Variants in CLCA4 observed in about 807,000 individuals in gnomAD.
CLCA4 encodes the protein chloride channel accessory 4.
CLCA4 carries 69 observed loss-of-function variants against 78.9 expected under a neutral mutation model. The observed-to-expected ratio is 0.87, with a 90% CI of 0.72 to 1.07. CLCA4 has a LOEUF of 1.07. Among genes scored for constraint, CLCA4 ranks in the 50% least tolerant of loss-of-function variants. The pLI, the probability that CLCA4 is intolerant of heterozygous loss-of-function variation, is 0.00. For synonymous variants in CLCA4, 362 were observed against 375.8 expected (o/e 0.96, Z 0.42); for missense variants, 1,133 against 1,095.8 (o/e 1.03, Z -0.48).
At chr1:86,578,265 G>A (rs1650584797) in intron 12 of CLCA4, among the ~76,000 whole-genome samples, 193 bp downstream of exon 12, 1 of 151,994 alleles carries the variant, frequency 6.6e-6, no homozygotes, top group Non-Finnish European at 1.5e-5. Context: ...CACCTAGTAA[G>A]CACTCAAGCA....
chr1:86,551,494 A>T (rs771889436), intron 1 of CLCA4, among the ~76,000 whole-genome samples: 8 of 152,070 alleles, frequency 5.3e-5, no homozygotes, highest in Non-Finnish European at 7.4e-5. Flanking sequence ...GGTTGCAGGC[A>T]CCTCCAGCTC....
chr1:86,562,573 G>A (rs1476780673), intron 3 of CLCA4, among the ~76,000 whole-genome samples: 1 of 151,070 alleles, frequency 6.6e-6, no homozygotes. Context: ...GAAACATGAC[G>A]GCTGGGCAAG....
chr1:86,573,316 C>T (rs1650411350), intron 9 of CLCA4, among the ~76,000 whole-genome samples: 1 of 152,010 alleles, frequency 6.6e-6, no homozygotes, highest in Non-Finnish European at 1.5e-5. Context: ...GATAGCACCA[C>T]CATTTTCTGT....
At chr1:86,547,421 T>C (rs961470267) in intron 1 of CLCA4, 143 bp downstream of exon 1, 15 of 591,272 alleles carry the variant, frequency 2.5e-5, no homozygotes, top group Non-Finnish European at 3.8e-5. Context: ...TCAGGGTAAT[T>C]AGCATATTCA....
rs753088960 is a variant in CLCA4, at chr1:86,566,015, A to G, written c.949A>G (p.Met317Val). 1.9e-6 allele frequency: 3 copies of G among 1,611,576 alleles called. No homozygotes were observed. The highest frequency in any genetic ancestry group is 1.7e-5 in the Admixed American group (1 of 59,842). ...VCLVLDKSGS[M>V]GGKDRLNRMN... is the part of the protein sequence containing the mutation. Reference sequence around the variant, plus strand: ...CTTAGTTCTTGATAAGTCTGGAAGCATGGGGGTAAGATCACTTTTTCTGGA... The same window carrying G: ...CTTAGTTCTTGATAAGTCTGGAAGCGTGGGGGTAAGATCACTTTTTCTGGA... The change falls in exon 6 of 14, where the codon ATG becomes GTG. Residue 317 changes from methionine to valine, a missense_variant. Coordinates refer to ENST00000370563, the MANE Select transcript of CLCA4 (RefSeq NM_012128.4).
intron 11 of CLCA4, among the ~76,000 whole-genome samples, chr1:86,576,073 C>G (rs1037333990): frequency 6.6e-6 from 1 of 152,054 alleles, no homozygotes; most frequent in African/African-American, 2.4e-5. Context: ...GCCTGGGCAA[C>G]AGAGAAAGAC....
In CLCA4 at chr1:86,574,546, A is replaced by G. The variant is rs2231599; in HGVS notation, c.1474A>G (p.Ser492Gly). The G allele has an allele frequency of 5.3e-4, 851 of 1,611,414 alleles. 13 individuals are homozygous for G. The East Asian group carries it at 0.018, about 34-fold the overall frequency. Residue 492 changes from serine (S) to glycine (G), a missense_variant, in exon 10 of 14, where the codon AGT (serine) becomes GGT (glycine). Coordinates refer to ENST00000370563, the MANE Select transcript of CLCA4 (RefSeq NM_012128.4). ...DLSQKSLQLESKGLTLNSNAW... is the reference protein window; with the variant it reads ...DLSQKSLQLEGKGLTLNSNAW... ...TTGAAATCTATTTAAACAGCTCGAAAGTAAGGGATTAACACTGAATAGTAA... is the reference window on the plus strand; with the variant it reads ...TTGAAATCTATTTAAACAGCTCGAAGGTAAGGGATTAACACTGAATAGTAA...
At chr1:86,553,773 A>G (rs1649741953) in intron 1 of CLCA4, among the ~76,000 whole-genome samples, 1 of 151,996 alleles carries the variant, frequency 6.6e-6, no homozygotes, top group African/African-American at 2.4e-5. Flanking sequence ...TCTCTCTACT[A>G]AAAAATACAA....
In CLCA4 at chr1:86,579,928, CT is replaced by C. The variant is rs746448953; in HGVS notation, c.2357-6del. On this transcript the variant is annotated splice_polypyrimidine_tract_variant and intron_variant, in intron 13 of 13. Transcript: ENST00000370563. Reference sequence around the variant, plus strand: ...GCTGCAGTCTCTAAACTACATGTAACTTTTTTTTCTCAGTTCAACGTTATAT... The same window carrying C: ...GCTGCAGTCTCTAAACTACATGTAACTTTTTTTCTCAGTTCAACGTTATAT... The C allele has an allele frequency of 6.1e-5, 92 of 1,517,832 alleles. 1 individual carries two copies. In the Middle Eastern group the frequency reaches 9.1e-4, roughly 15 times the overall value. The allele number at this position is 1,517,832 out of a possible 1,614,324, so 94.0% of individuals were successfully genotyped here. A position where few individuals can be genotyped will look rare whatever the true frequency, so the allele number is the denominator to read the frequency against.
chr1:86,569,288 A>G (rs992217020), intron 7 of CLCA4, among the ~76,000 whole-genome samples: 2 of 152,038 alleles, frequency 1.3e-5, no homozygotes, highest in African/African-American at 4.8e-5. Context: ...CAGATAGAAA[A>G]GAAATGCAAA....
intron 1 of CLCA4, among the ~76,000 whole-genome samples, chr1:86,556,120 T>C (rs1355609967): frequency 1.3e-5 from 2 of 152,206 alleles, no homozygotes; most frequent in Non-Finnish European, 1.5e-5. Context: ...TATGGGGTTT[T>C]CTAGATATAG....
chr1:86,573,997 C>A (rs1650433629), intron 9 of CLCA4, among the ~76,000 whole-genome samples: 1 of 152,080 alleles, frequency 6.6e-6, no homozygotes, highest in Admixed American at 6.6e-5. Context: ...AGCCATTCCA[C>A]AATATGTGCA....
intron 7 of CLCA4, among the ~76,000 whole-genome samples, chr1:86,569,119 T>C (rs985511640): frequency 6.6e-6 from 1 of 152,038 alleles, no homozygotes; most frequent in East Asian, 1.9e-4. Context: ...GGGGAACAGA[T>C]AATAAATAGA....
chr1:86,566,684 T>C (rs906843384), intron 6 of CLCA4, among the ~76,000 whole-genome samples: 14 of 151,992 alleles, frequency 9.2e-5, no homozygotes, highest in African/African-American at 3.4e-4. Context: ...AAGTTTCTCA[T>C]TGTGATTTGG....
Position 86,580,451 on chromosome 1 carries a change from T to G in CLCA4, c.*106T>G. 1.1e-6 allele frequency: 1 copy of G among 871,736 alleles called. No individual in the cohort carries two copies. 54.0% of individuals were successfully genotyped at this position (871,736 alleles called of 1,614,324 possible). On this transcript the variant is annotated 3_prime_UTR_variant, in exon 14 of 14. Coordinates refer to ENST00000370563, the MANE Select transcript of CLCA4 (RefSeq NM_012128.4). The stretch of plus-strand genomic sequence containing the variant: ...TGAATCTTAAAATTCATCCCATGTG[T>G]GATCATAAACTCATAAAAATAATTT...
At chr1:86,548,684 G>GAAAAAAAAAAAAAAAAAAAAAAAAAAA (rs10615856) in intron 1 of CLCA4, among the ~76,000 whole-genome samples, 1 of 94,152 alleles carries the variant, frequency 1.1e-5, no homozygotes, top group Non-Finnish European at 2.1e-5. Context: ...TCCCTCTCTG[G>GAAAAAAAAAAAAAAAAAAAAAAAAAAA]AAAAAAAAAA....
In CLCA4 at chr1:86,579,999, A is replaced by G; in HGVS notation, c.2414A>G (p.Asp805Gly). 6.2e-7 allele frequency: 1 copy of G among 1,608,052 alleles called. No individual in the cohort carries two copies. Among genetic ancestry groups the G allele is most frequent in the Non-Finnish European group, 8.5e-7 (1 of 1,175,886 alleles). The change falls in exon 14 of 14, where the codon GAT becomes GGT. Residue 805 changes from aspartate to glycine, a missense_variant. Physicochemically the swap from Asp to Gly is moderately conservative, Grantham distance 94. Coordinates refer to ENST00000370563, the MANE Select transcript of CLCA4 (RefSeq NM_012128.4). ...ATTCTTGATCTAAGAGACAGTTTTG[A>G]TGATGCTCTTCAAGTAAATACTACT... ...ASILDLRDSF[D>G]DALQVNTTDL...
chr1:86,567,326 A>C, intron 6 of CLCA4, 98 bp from the exon 7 acceptor site: 1 of 1,018,608 alleles, frequency 9.8e-7, no homozygotes. Flanking sequence ...CCATTCATAG[A>C]AAATGTTACC....
At chr1:86,552,112 A>G (rs1305216390) in intron 1 of CLCA4, among the ~76,000 whole-genome samples, 3 of 152,240 alleles carry the variant, frequency 2.0e-5, no homozygotes, top group Admixed American at 6.5e-5. Context: ...TTCAGGCTAT[A>G]AAAGTTCTAA....
Sources: allele counts gnomAD v4.1 joint callset (sites outside exome capture counted in the v4.1 genomes callset), GRCh38; gene constraint gnomAD v4.1.1; transcripts MANE v1.5; gene names NCBI Gene and HGNC (gene_info 2026-07-23, HGNC 2026-07-21).